The following PLCB4 variants were observed in gnomAD, a reference collection of about 807,000 sequenced individuals.
PLCB4 encodes phospholipase C beta 4.
A neutral mutation model predicts 178.8 loss-of-function variants in PLCB4; 77 were observed. The ratio of observed to expected loss-of-function variants is 0.43; its 90% confidence interval spans 0.36 to 0.52. The LOEUF (loss-of-function observed/expected upper bound fraction) is 0.52. Ranked by LOEUF, PLCB4 falls within the 20% of genes least tolerant of loss-of-function variation. PLCB4 has a pLI of 0.00. For synonymous variants in PLCB4, 496 were observed against 490.8 expected (o/e 1.01, Z -0.14); for missense variants, 1,024 against 1,453.4 (o/e 0.70, Z 4.80).
At position 9,312,353 on chromosome 20, in the gene PLCB4, T is replaced by TACACACACAC. The variant is rs34443371; in HGVS notation, c.84+4490_84+4499dup. Among the ~76,000 whole-genome samples the TACACACACAC allele has an allele frequency of 5.1e-4, 65 of 127,866 alleles. 1 individual carries two copies. Among genetic ancestry groups the TACACACACAC allele is most frequent in the African/African-American group, 1.3e-3 (47 of 35,190 alleles). 83.9% of individuals were successfully genotyped at this position (127,866 alleles called of 152,430 possible). On this transcript the variant is annotated intron_variant, in intron 4 of 39. Transcript: ENST00000378473. ...ATACTAGCCTCCCCACCTTCCACCCTACACACACACACACACACACACACA... is the reference window on the plus strand; with the variant it reads ...ATACTAGCCTCCCCACCTTCCACCCTACACACACACACACACACACACACACACACACACA...
At chr20:9,297,863 C>A (rs1332395327) in intron 3 of PLCB4, among the ~76,000 whole-genome samples, 1 of 152,104 alleles carries the variant, frequency 6.6e-6, no homozygotes, top group Non-Finnish European at 1.5e-5. Context: ...GGCAAACAAC[C>A]AACATCCAAA....
At chr20:9,372,964 C>T in intron 11 of PLCB4, 83 bp from the exon 12 acceptor site, 2 of 647,674 alleles carry the variant, frequency 3.1e-6, no homozygotes, top group Non-Finnish European at 5.6e-6. Flanking sequence ...TTAGAATTAT[C>T]ATCAACAAAT....
chr20:9,295,146 A>G (rs1052801487), intron 3 of PLCB4, among the ~76,000 whole-genome samples: 8 of 152,204 alleles, frequency 5.3e-5, no homozygotes, highest in Non-Finnish European at 7.4e-5. Context: ...ACCTAAAACT[A>G]TACTTAATTT....
intron 2 of PLCB4, among the ~76,000 whole-genome samples, chr20:9,197,124 A>G (rs940805039): frequency 3.9e-5 from 6 of 152,226 alleles, no homozygotes; most frequent in African/African-American, 1.4e-4. Flanking sequence ...AAATTCTTGT[A>G]ATAACCAGAA....
chr20:9,082,360 G>C (rs747552347), intron 1 of PLCB4, among the ~76,000 whole-genome samples: 2 of 152,160 alleles, frequency 1.3e-5, no homozygotes, highest in Non-Finnish European at 2.9e-5. Flanking sequence ...ATGTTTTATA[G>C]TTCCAAAACC....
At chr20:9,200,599 T>C (rs1240557578) in intron 2 of PLCB4, among the ~76,000 whole-genome samples, 1 of 152,194 alleles carries the variant, frequency 6.6e-6, no homozygotes, top group Non-Finnish European at 1.5e-5. Flanking sequence ...CTGACTCCCT[T>C]TTACCTTTCT....
intron 4 of PLCB4, among the ~76,000 whole-genome samples, chr20:9,324,580 C>T (rs944526549): frequency 6.6e-5 from 10 of 152,120 alleles, no homozygotes; most frequent in Non-Finnish European, 1.3e-4. Flanking sequence ...ATGGAGAAGC[C>T]CTTCCCTCAG....
intron 2 of PLCB4, among the ~76,000 whole-genome samples, chr20:9,165,816 T>A (rs561472000): frequency 6.6e-6 from 1 of 151,834 alleles, no homozygotes; most frequent in African/African-American, 2.4e-5. Flanking sequence ...TGTGTGTGTG[T>A]GTGTGTGTGT....
At chr20:9,377,606 C>T (rs1044703988) in intron 12 of PLCB4, among the ~76,000 whole-genome samples, 1 of 152,118 alleles carries the variant, frequency 6.6e-6, no homozygotes, top group African/African-American at 2.4e-5. Context: ...AATGCAATTT[C>T]GCATTGTCTG....
chr20:9,389,985 C>A, intron 16 of PLCB4, 27 bp downstream of exon 16: 3 of 1,215,152 alleles, frequency 2.5e-6, no homozygotes, highest in Non-Finnish European at 2.4e-6. Context: ...TGCCACAAGT[C>A]TCTATGTGGT....
intron 4 of PLCB4, among the ~76,000 whole-genome samples, chr20:9,314,872 ATTT>A (rs113478542): frequency 7.1e-6 from 1 of 141,252 alleles, no homozygotes. Context: ...GGGTAGAGGA[ATTT>A]TTTTTTTTTT....
At chr20:9,229,570 A>G (rs2093909174) in intron 3 of PLCB4, among the ~76,000 whole-genome samples, 2 of 151,942 alleles carry the variant, frequency 1.3e-5, no homozygotes, top group South Asian at 4.1e-4. Context: ...TTGGAGTTGG[A>G]AGTTTTACCT....
At chr20:9,297,178 A>G (rs2094647566) in intron 3 of PLCB4, among the ~76,000 whole-genome samples, 1 of 151,864 alleles carries the variant, frequency 6.6e-6, no homozygotes, top group African/African-American at 2.4e-5. Context: ...CACCATATAT[A>G]TATTTTTTTG....
chr20:9,220,484 A>C (rs779230518), intron 3 of PLCB4, among the ~76,000 whole-genome samples: 1 of 152,080 alleles, frequency 6.6e-6, no homozygotes, highest in African/African-American at 2.4e-5. Flanking sequence ...ATACAAAAAA[A>C]AGTTAGCTGG....
intron 1 of PLCB4, among the ~76,000 whole-genome samples, chr20:9,077,468 G>A (rs1015513058): frequency 2.0e-5 from 3 of 152,124 alleles, no homozygotes; most frequent in African/African-American, 4.8e-5. Context: ...TTGTTACCTC[G>A]CTTTACTAAT....
intron 2 of PLCB4, among the ~76,000 whole-genome samples, chr20:9,113,155 A>G (rs1158994965): frequency 6.6e-6 from 1 of 152,222 alleles, no homozygotes; most frequent in East Asian, 1.9e-4. Context: ...TCTTTAAAGT[A>G]AAGCTTGTTA....
chr20:9,340,852 C>T (rs963681147), intron 7 of PLCB4, among the ~76,000 whole-genome samples: 3 of 152,098 alleles, frequency 2.0e-5, no homozygotes, highest in Non-Finnish European at 2.9e-5. Flanking sequence ...TGAGTTATGA[C>T]GTGGGAAGCA....
intron 3 of PLCB4, among the ~76,000 whole-genome samples, chr20:9,291,889 G>A (rs1352536517): frequency 6.6e-6 from 1 of 152,116 alleles, no homozygotes; most frequent in African/African-American, 2.4e-5. Flanking sequence ...TATGGTCTGA[G>A]CTCAGTTCTA....
At chr20:9,353,245 G>A (rs1264555305) in intron 7 of PLCB4, among the ~76,000 whole-genome samples, 1 of 152,160 alleles carries the variant, frequency 6.6e-6, no homozygotes, top group Non-Finnish European at 1.5e-5. Context: ...AACTGGACTT[G>A]TGTAGGATGG....
Sources: allele counts gnomAD v4.1 joint callset (sites outside exome capture counted in the v4.1 genomes callset), GRCh38; gene constraint gnomAD v4.1.1; transcripts MANE v1.5; gene names NCBI Gene and HGNC (gene_info 2026-07-23, HGNC 2026-07-21).